Variants in UNC80 observed in about 807,000 individuals in gnomAD.
The protein encoded by UNC80 is protein unc-80 homolog.
A neutral mutation model predicts 384.6 loss-of-function variants in UNC80; 164 were observed. The observed-to-expected ratio is 0.43, with a 90% confidence interval of 0.38 to 0.49. The LOEUF (loss-of-function observed/expected upper bound fraction) is 0.49. Ranked by LOEUF, UNC80 falls within the 20% of genes least tolerant of loss-of-function variation. UNC80 has a pLI of 0.00. For missense variants in UNC80, 3,330 were observed against 4,143.0 expected, an observed-to-expected ratio of 0.80 and a Z score of 5.39; for synonymous variants, 1,486 against 1,527.8, an observed-to-expected ratio of 0.97 and a Z score of 0.64.
chr2:209,828,046 A>T (rs2080671307), intron 14 of UNC80, among the ~76,000 whole-genome samples: 1 of 152,194 alleles, frequency 6.6e-6, no homozygotes, highest in African/African-American at 2.4e-5. Flanking sequence ...CACTGAACTC[A>T]TACAGATGAT....
chr2:209,863,622 G>A (rs943569209), intron 22 of UNC80, among the ~76,000 whole-genome samples: 1 of 151,490 alleles, frequency 6.6e-6, no homozygotes, highest in African/African-American at 2.4e-5. Flanking sequence ...CTGCTTGGTC[G>A]ATTCAGCTAT....
intron 61 of UNC80, among the ~76,000 whole-genome samples, chr2:209,991,954 GA>G (rs1318835617): frequency 6.6e-6 from 1 of 152,142 alleles, no homozygotes; most frequent in African/African-American, 2.4e-5. Flanking sequence ...ATTGAAAACA[GA>G]ATCTCAATTT....
At chr2:209,806,210 A>T (rs2078886636) in intron 7 of UNC80, among the ~76,000 whole-genome samples, 1 of 152,202 alleles carries the variant, frequency 6.6e-6, no homozygotes. Context: ...TCTCATCCAT[A>T]ATAAGCATAG....
intron 61 of UNC80, among the ~76,000 whole-genome samples, chr2:209,991,769 A>G (rs548696676): frequency 6.6e-6 from 1 of 152,294 alleles, no homozygotes; most frequent in East Asian, 1.9e-4. Flanking sequence ...TGAAATTTTA[A>G]AAAGATGTTC....
chr2:209,951,261 C>G (rs924292742), intron 47 of UNC80, among the ~76,000 whole-genome samples: 11 of 151,776 alleles, frequency 7.2e-5, no homozygotes, highest in African/African-American at 2.7e-4. Context: ...AGCATTAGAT[C>G]TTATTGCACA....
chr2:209,958,217 G>A (rs547484919), intron 49 of UNC80, among the ~76,000 whole-genome samples: 2 of 152,200 alleles, frequency 1.3e-5, no homozygotes, highest in African/African-American at 4.8e-5. Flanking sequence ...TCTTGTTGTG[G>A]TGTAACTCAG....
intron 22 of UNC80, among the ~76,000 whole-genome samples, chr2:209,866,190 C>T (rs2083747751): frequency 6.6e-6 from 1 of 152,012 alleles, no homozygotes; most frequent in South Asian, 2.1e-4. Context: ...ATCTTTCCTT[C>T]TGTAAATTGA....
In UNC80 at chr2:209,834,988, C is replaced by T. The variant is rs1337125361; in HGVS notation, c.3019C>T (p.Arg1007Cys). 4 of 1,550,688 alleles carry T rather than the reference C, an allele frequency of 2.6e-6. No homozygotes were observed. Among genetic ancestry groups the T allele is most frequent in the South Asian group, 2.4e-5 (2 of 83,950 alleles). Residue 1007 changes from arginine to cysteine, a missense_variant, in exon 18 of 65, where the codon CGC (arginine) becomes TGC (cysteine). Physicochemically the swap from Arg to Cys is radical, Grantham distance 180. Transcript: ENST00000673920. Reference protein sequence around the residue: ...PEECRSFMSGRPSQTPEHDEQ... With the variant: ...PEECRSFMSGCPSQTPEHDEQ... Reference sequence around the variant, plus strand: ...GGAATGTCGCAGCTTCATGTCTGGTCGCCCCTCACAGACTCCAGAGCAGTA... The same window carrying T: ...GGAATGTCGCAGCTTCATGTCTGGTTGCCCCTCACAGACTCCAGAGCAGTA...
At chr2:209,789,889 T>G (rs1253381404) in intron 6 of UNC80, among the ~76,000 whole-genome samples, 1 of 152,130 alleles carries the variant, frequency 6.6e-6, no homozygotes, top group Non-Finnish European at 1.5e-5. Flanking sequence ...ATGGCTAACA[T>G]GTAACACTCA....
chr2:209,937,589 C>G lies in UNC80; in HGVS notation c.6424C>G (p.His2142Asp). The G allele has an allele frequency of 6.4e-7, 1 of 1,551,874 alleles. No individual in the cohort carries two copies. The highest frequency in any genetic ancestry group is 8.7e-7 in the Non-Finnish European group (1 of 1,146,868). The change falls in exon 42 of 65, where the codon CAT becomes GAT. Residue 2142 changes from histidine (H) to aspartate (D), a missense_variant. By Grantham distance (81) the His-to-Asp change is moderately conservative. Around this residue, in one of 8 missense-constraint regions of UNC80, gnomAD observed 1,049 missense variants for 1,488.6 expected, o/e 0.70. Coordinates refer to ENST00000673920, the MANE Select transcript of UNC80 (RefSeq NM_001371986.1). ...AGTATCTCCCCAGCTGAATCTTGTA[C>G]ATATGCATCCAGAGAAGGGACAGGA... ...RSVSPQLNLV[H>D]MHPEKGQELI...
Position 209,842,429 on chromosome 2 carries a change from ATTTCT to A in UNC80, c.3439_3443del (p.Phe1147GlnfsTer9), listed in dbSNP as rs1477921739. 6.5e-7 allele frequency: 1 copy of A among 1,550,042 alleles called. No homozygotes were observed. The highest frequency in any genetic ancestry group is 1.4e-5 in the African/African-American group (1 of 73,012). ...GAAAATGGAAGAGATGAAGAGGAGA[ATTTCT>A]TCAAGCGTCTTGGTAAATGTCATGC... is the stretch of plus-strand genomic sequence containing the variant. On this transcript the variant is annotated frameshift_variant, in exon 21 of 65. Coordinates refer to ENST00000673920, the MANE Select transcript of UNC80 (RefSeq NM_001371986.1). LOFTEE classifies it high-confidence loss of function.
intron 29 of UNC80, among the ~76,000 whole-genome samples, chr2:209,905,333 T>C (rs2088056405): frequency 6.6e-6 from 1 of 152,142 alleles, no homozygotes; most frequent in Admixed American, 6.5e-5. Flanking sequence ...GCAGATGTGA[T>C]TGAAAATTTT....
At chr2:209,878,136 C>G (rs1270311544) in intron 24 of UNC80, 47 bp downstream of exon 24, 2 of 1,472,824 alleles carry the variant, frequency 1.4e-6, no homozygotes, top group Non-Finnish European at 1.8e-6. Context: ...GTAAGAACCT[C>G]TGCTTTAGGA....
At position 209,994,058 on chromosome 2, in the gene UNC80, C is replaced by T; in HGVS notation, c.9509-7C>T. 1 of 1,547,200 alleles carries T rather than the reference C, an allele frequency of 6.5e-7. No individual in the cohort carries two copies. Among genetic ancestry groups the T allele is most frequent in the Non-Finnish European group, 8.7e-7 (1 of 1,144,562 alleles). ...TCCCCAATTTACTGTTTCACCTCTACCTGCAGCGGATCAGAAACGATCTGT... is the reference window on the plus strand; with the variant it reads ...TCCCCAATTTACTGTTTCACCTCTATCTGCAGCGGATCAGAAACGATCTGT... On this transcript the variant is annotated splice_polypyrimidine_tract_variant and splice_region_variant and intron_variant, in intron 63 of 64. Transcript: ENST00000673920.
At chr2:209,866,490 C>CCCCACACA (rs1420955284) in intron 22 of UNC80, among the ~76,000 whole-genome samples, 24 of 107,624 alleles carry the variant, frequency 2.2e-4, no homozygotes, top group Middle Eastern at 5.6e-3. Flanking sequence ...AAATGCACCC[C>CCCCACACA]CACACACACA....
chr2:209,929,938 T>C lies in UNC80; in HGVS notation c.5874T>C (p.His1958=). The C allele has an allele frequency of 1.3e-6, 2 of 1,540,558 alleles. No individual in the cohort carries two copies. The highest frequency in any genetic ancestry group is 2.1e-5 in the Admixed American group (1 of 47,762). Residue 1958 remains histidine, a synonymous_variant, in exon 37 of 65, where the codon CAT becomes CAC. Coordinates refer to ENST00000673920, the MANE Select transcript of UNC80 (RefSeq NM_001371986.1). ...LIEDPSTVLR[H]FLEKLTISNR... is the part of the protein sequence containing the mutation. ...AAGATCCATCAACGGTTCTTCGACA[T>C]TTTCTGGAAAAACTGACCATCAGCA...
At chr2:209,784,348 A>T (rs1425138081) in intron 4 of UNC80, among the ~76,000 whole-genome samples, 1 of 152,226 alleles carries the variant, frequency 6.6e-6, no homozygotes, top group East Asian at 1.9e-4. Context: ...CTGCTACTTG[A>T]AACCTTCAGT....
intron 8 of UNC80, 100 bp downstream of exon 8, chr2:209,813,941 CT>C: frequency 7.1e-7 from 1 of 1,416,980 alleles, no homozygotes; most frequent in Non-Finnish European, 9.4e-7. Flanking sequence ...CTAGTGCTGA[CT>C]TTTTGGTTGG....
chr2:209,884,061 G>A (rs775022427), intron 25 of UNC80, among the ~76,000 whole-genome samples: 5 of 152,012 alleles, frequency 3.3e-5, no homozygotes, highest in Admixed American at 6.5e-5. Flanking sequence ...TTTGTAAACC[G>A]TGCAATTAAA....
Sources: allele counts gnomAD v4.1 joint callset (sites outside exome capture counted in the v4.1 genomes callset), GRCh38; gene constraint gnomAD v4.1.1; regional missense constraint gnomAD v4.1.1; transcripts MANE v1.5; gene names NCBI Gene and HGNC (gene_info 2026-07-23, HGNC 2026-07-21).